The following ADAMTS20 variants were observed in gnomAD, a reference collection of about 807,000 sequenced individuals.
ADAMTS20 encodes A disintegrin and metalloproteinase with thrombospondin motifs 20.
In ADAMTS20, 225 loss-of-function variants were observed where a neutral mutation model predicts 260.1. The observed-to-expected ratio is 0.87, with a 90% CI of 0.78 to 0.97. The LOEUF (loss-of-function observed/expected upper bound fraction) is 0.97. Ranked by LOEUF, ADAMTS20 falls within the 50% of genes least tolerant of loss-of-function variation. The pLI, the probability that ADAMTS20 is intolerant of heterozygous loss-of-function variation, is 0.00. For synonymous variants in ADAMTS20, 802 were observed against 769.5 expected (o/e 1.04, Z -0.70); for missense variants, 2,400 against 2,337.7 (o/e 1.03, Z -0.55).
In ADAMTS20 at chr12:43,491,528, C is replaced by A. The variant is rs180978704; in HGVS notation, c.1076+977G>T. 7.8e-4 allele frequency among the ~76,000 whole-genome samples: 118 copies of A among 152,188 alleles called. 1 individual carries two copies. The highest frequency in any genetic ancestry group is 2.7e-3 in the African/African-American group (111 of 41,538). ...TAAATAAAGGATTTCTTTGGTTAGT[C>A]AACCAAATATCAAACCTAGGATTTA... On this transcript the variant is annotated intron_variant, in intron 6 of 38. Coordinates refer to ENST00000389420, the MANE Select transcript of ADAMTS20 (RefSeq NM_025003.5).
chr12:43,551,225 T>G lies in ADAMTS20; in HGVS notation c.137A>C (p.Glu46Ala). ...CACTTCTCCAAACTCATTGACCCGC[T>G]CGGGGATCACTACTTCGTAGGAGGT... The part of the protein sequence containing the change: ...TLTSYEVVIP[E>A]RVNEFGEVFP... The change falls in exon 2 of 39, where the codon GAG (glutamate) becomes GCG (alanine). Residue 46 changes from glutamate to alanine, a missense_variant. Transcript: ENST00000389420. The surrounding 1 kb of genome is among the most constrained non-coding windows in gnomAD (Gnocchi z 4.6). The G allele has an allele frequency of 6.2e-7, 1 of 1,613,814 alleles. No homozygotes were observed. Among genetic ancestry groups the G allele is most frequent in the Non-Finnish European group, 8.5e-7 (1 of 1,179,866 alleles).
intron 9 of ADAMTS20, 36 bp from the exon 10 acceptor site, chr12:43,464,768 C>A: frequency 6.3e-7 from 1 of 1,581,164 alleles, no homozygotes; most frequent in Non-Finnish European, 8.6e-7. Flanking sequence ...ATTGTGAATA[C>A]ACATGGATGC....
At chr12:43,410,918 T>C (rs1592054710) in intron 28 of ADAMTS20, among the ~76,000 whole-genome samples, 1 of 152,326 alleles carries the variant, frequency 6.6e-6, no homozygotes, top group East Asian at 1.9e-4. Context: ...AGGACACAAT[T>C]GAAGCTTTAT....
intron 11 of ADAMTS20, 103 bp from the exon 12 acceptor site, chr12:43,454,155 C>G (rs1411325706): frequency 7.9e-7 from 1 of 1,264,214 alleles, no homozygotes; most frequent in Non-Finnish European, 1.1e-6. Context: ...ACAAACTAAA[C>G]AATTTGAAGC....
intron 2 of ADAMTS20, among the ~76,000 whole-genome samples, chr12:43,543,354 C>A (rs1943401802): frequency 6.6e-6 from 1 of 152,108 alleles, no homozygotes; most frequent in Non-Finnish European, 1.5e-5. Context: ...TCCCCTCCTT[C>A]CACAGTAGTG....
At chr12:43,445,651 C>A (rs1278498559) in intron 15 of ADAMTS20, among the ~76,000 whole-genome samples, 1 of 150,042 alleles carries the variant, frequency 6.7e-6, no homozygotes, top group Non-Finnish European at 1.5e-5. Flanking sequence ...TTGAGACCAA[C>A]CTAGCAATAC....
At chr12:43,462,539 G>A (rs1021851359) in intron 11 of ADAMTS20, among the ~76,000 whole-genome samples, 12 of 152,070 alleles carry the variant, frequency 7.9e-5, no homozygotes, top group African/African-American at 2.9e-4. Flanking sequence ...GGGAGAAAAC[G>A]TATGAAATGA....
chr12:43,385,476 G>C (rs1940452214), intron 29 of ADAMTS20, among the ~76,000 whole-genome samples: 1 of 152,170 alleles, frequency 6.6e-6, no homozygotes, highest in Admixed American at 6.5e-5. Flanking sequence ...GTCAATTTTG[G>C]CTTTTGTTGC....
chr12:43,370,990 C>A (rs534797917), intron 36 of ADAMTS20, among the ~76,000 whole-genome samples: 2 of 152,196 alleles, frequency 1.3e-5, no homozygotes, highest in African/African-American at 2.4e-5. Flanking sequence ...TCTATTCCTT[C>A]CCCTGCTTAT....
At chr12:43,489,259 T>C (rs957606999) in intron 7 of ADAMTS20, among the ~76,000 whole-genome samples, 10 of 151,998 alleles carry the variant, frequency 6.6e-5, no homozygotes, top group South Asian at 2.1e-4. Context: ...TCTAAAAGAA[T>C]AGGTTTATAA....
chr12:43,416,537 T>TTG lies in ADAMTS20; in HGVS notation c.4284+8976_4284+8977insCA, dbSNP rs1230682178. ...AGTCAAACTGACCTTTTTTTTTTTT[T>TTG]TTTTGAGACGGAGTCTCACTCTGTC... On this transcript the variant is annotated intron_variant, in intron 28 of 38. Transcript: ENST00000389420. Among the ~76,000 whole-genome samples the TTG allele has an allele frequency of 3.3e-5, 5 of 151,244 alleles. No homozygotes were observed. The South Asian group carries it at 8.4e-4, about 26-fold the overall frequency.
chr12:43,433,672 C>G, intron 19 of ADAMTS20: 1 of 321,776 alleles, frequency 3.1e-6, no homozygotes, highest in Non-Finnish European at 6.0e-6. Context: ...CACTACAAGA[C>G]CAATCACGCA....
Position 43,439,637 on chromosome 12 carries a change from T to C in ADAMTS20, c.2578A>G (p.Thr860Ala). ...GCCAGCGTACCTTGACACATTTTGG[T>C]ACAGCCTTCCCATGGTCCATAGGGG... Reference protein sequence around the residue: ...WDPYGPWEGCTKMCQGLQRRN... With the variant: ...WDPYGPWEGCAKMCQGLQRRN... The change falls in exon 18 of 39, where the codon ACC becomes GCC. Residue 860 changes from threonine (T) to alanine (A), a missense_variant. By Grantham distance (58) the Thr-to-Ala change is moderately conservative (BLOSUM62 0). Coordinates refer to ENST00000389420, the MANE Select transcript of ADAMTS20 (RefSeq NM_025003.5). The C allele has an allele frequency of 1.2e-6, 2 of 1,606,658 alleles. No individual in the cohort carries two copies. The highest frequency in any genetic ancestry group is 8.5e-7 in the Non-Finnish European group (1 of 1,178,076).
intron 11 of ADAMTS20, 82 bp from the exon 12 acceptor site, chr12:43,454,134 T>C (rs759357368): frequency 6.8e-7 from 1 of 1,470,760 alleles, no homozygotes; most frequent in Non-Finnish European, 9.1e-7. Context: ...AGCATAAAGA[T>C]CAACAGAAGA....
chr12:43,504,820 A>T (rs1942818541), intron 3 of ADAMTS20, among the ~76,000 whole-genome samples: 1 of 152,144 alleles, frequency 6.6e-6, no homozygotes, highest in East Asian at 1.9e-4. Context: ...CAACCAAGAG[A>T]CAAAAAAAAA....
chr12:43,545,694 G>C (rs748304330), intron 2 of ADAMTS20, among the ~76,000 whole-genome samples: 4 of 152,166 alleles, frequency 2.6e-5, no homozygotes, highest in Non-Finnish European at 5.9e-5. Context: ...TTCTGGCCAA[G>C]TCTGGCTCAA....
At chr12:43,431,868 C>CTT (rs1331237772) in intron 21 of ADAMTS20, among the ~76,000 whole-genome samples, 1 of 144,946 alleles carries the variant, frequency 6.9e-6, no homozygotes, top group South Asian at 2.2e-4. Flanking sequence ...TTGTATATTT[C>CTT]TTTTTTTTTT....
rs145415734 is a variant in ADAMTS20, at chr12:43,528,425, A to G, written c.613+3611T>C. ...CAACTTCCAATTATACTACAAGGCTATAGTAACCAAAACAGTATGGTACTG... is the reference window on the plus strand; with the variant it reads ...CAACTTCCAATTATACTACAAGGCTGTAGTAACCAAAACAGTATGGTACTG... On this transcript the variant is annotated intron_variant, in intron 3 of 38. Transcript: ENST00000389420. Among the ~76,000 whole-genome samples, 69 of 151,114 alleles carry G rather than the reference A, an allele frequency of 4.6e-4. 2 individuals carry two copies. The highest frequency in any genetic ancestry group is 1.6e-3 in the African/African-American group (64 of 41,260).
At chr12:43,490,806 C>T (rs1160929106) in intron 6 of ADAMTS20, among the ~76,000 whole-genome samples, 1 of 152,092 alleles carries the variant, frequency 6.6e-6, no homozygotes, top group African/African-American at 2.4e-5. Context: ...ATGGTGTTCT[C>T]AGATGTTACG....
Sources: gnomAD v4.1 joint callset for allele counts (sites outside exome capture counted in the v4.1 genomes callset) on GRCh38, gnomAD v4.1.1 for gene constraint, Gnocchi (gnomAD v3.1) non-coding constraint, MANE v1.5 for transcripts, NCBI Gene and HGNC (gene_info 2026-07-23, HGNC 2026-07-21) for gene names.